The following PTPRD variants were observed in gnomAD, a reference collection of about 807,000 sequenced individuals.
The protein encoded by PTPRD is receptor-type tyrosine-protein phosphatase delta.
PTPRD carries 34 observed loss-of-function variants against 214.5 expected under a neutral mutation model. The ratio of observed to expected loss-of-function variants is 0.16; its 90% CI spans 0.12 to 0.21. The LOEUF (loss-of-function observed/expected upper bound fraction) is 0.21, where lower values mean the gene tolerates loss of function less well. PTPRD is among the 10% of genes least tolerant of loss of function. The pLI is 1.00. For missense variants in PTPRD, 2,545 were observed against 2,398.7 expected, an observed-to-expected ratio of 1.06 and a Z score of -1.27; for synonymous variants, 1,128 against 845.7, an observed-to-expected ratio of 1.33 and a Z score of -5.79.
chr9:8,906,604 A>G (rs752456710), intron 11 of PTPRD, among the ~76,000 whole-genome samples: 35 of 152,234 alleles, frequency 2.3e-4, no homozygotes, highest in Non-Finnish European at 4.4e-4. Context: ...CAAAGGATTT[A>G]CTTGTAAAAA....
chr9:10,552,357 G>C (rs1293492096), intron 2 of PTPRD, among the ~76,000 whole-genome samples: 1 of 152,034 alleles, frequency 6.6e-6, no homozygotes, highest in Admixed American at 6.6e-5. Flanking sequence ...GATACCTATT[G>C]CTCCCCAAAC....
At chr9:10,507,213 TA>T (rs1214257090) in intron 2 of PTPRD, among the ~76,000 whole-genome samples, 2 of 151,928 alleles carry the variant, frequency 1.3e-5, no homozygotes, top group African/African-American at 4.8e-5. Context: ...TCAAAGAGAA[TA>T]AAATACCTAG....
At chr9:9,612,020 A>C (rs2094539900) in intron 7 of PTPRD, among the ~76,000 whole-genome samples, 1 of 152,090 alleles carries the variant, frequency 6.6e-6, no homozygotes, top group Admixed American at 6.6e-5. Flanking sequence ...TAACATGACT[A>C]TCAATATATT....
chr9:9,702,486 C>T (rs749455474), intron 7 of PTPRD, among the ~76,000 whole-genome samples: 15 of 152,102 alleles, frequency 9.9e-5, no homozygotes, highest in Non-Finnish European at 1.9e-4. Flanking sequence ...TACCAGTGAT[C>T]TTCCAAGAGA....
chr9:8,429,416 A>T (rs1428117919), intron 35 of PTPRD, among the ~76,000 whole-genome samples: 2 of 152,132 alleles, frequency 1.3e-5, no homozygotes, highest in Admixed American at 1.3e-4. Flanking sequence ...TCTAAATATT[A>T]AAAAACATGA....
chr9:8,993,199 A>T (rs1567460032), intron 11 of PTPRD, among the ~76,000 whole-genome samples: 1 of 152,214 alleles, frequency 6.6e-6, no homozygotes, highest in Non-Finnish European at 1.5e-5. Flanking sequence ...GGCCCAGAGA[A>T]CCTGGCTCTA....
At chr9:9,410,348 A>C (rs2074988643) in intron 8 of PTPRD, among the ~76,000 whole-genome samples, 1 of 152,194 alleles carries the variant, frequency 6.6e-6, no homozygotes, top group South Asian at 2.1e-4. Flanking sequence ...TATACCAAAA[A>C]TAAAATACTT....
intron 9 of PTPRD, among the ~76,000 whole-genome samples, chr9:9,201,586 A>G (rs1158460027): frequency 1.3e-5 from 2 of 152,174 alleles, no homozygotes; most frequent in East Asian, 1.9e-4. Context: ...TTCCTATTAC[A>G]GGGTTAGGAT....
chr9:8,711,433 C>T (rs1437340447), intron 12 of PTPRD, among the ~76,000 whole-genome samples: 4 of 152,084 alleles, frequency 2.6e-5, no homozygotes, highest in African/African-American at 9.7e-5. Flanking sequence ...CATACAGTAA[C>T]TCTCTCCTTG....
At chr9:10,358,474 T>C (rs892609593) in intron 2 of PTPRD, among the ~76,000 whole-genome samples, 3 of 151,932 alleles carry the variant, frequency 2.0e-5, no homozygotes, top group Non-Finnish European at 4.4e-5. Flanking sequence ...TTAGACAGTA[T>C]ATTTACTTTA....
At chr9:8,323,342 G>C (rs1242563798) in intron 44 of PTPRD, among the ~76,000 whole-genome samples, 1 of 152,144 alleles carries the variant, frequency 6.6e-6, no homozygotes, top group Non-Finnish European at 1.5e-5. Context: ...CAACTTTAAA[G>C]TTTTGTTATT....
chr9:8,540,541 ATTT>A (rs2078142285), intron 14 of PTPRD, among the ~76,000 whole-genome samples: 1 of 152,186 alleles, frequency 6.6e-6, no homozygotes, highest in Non-Finnish European at 1.5e-5. Context: ...CACGTTTATT[ATTT>A]TTATTTAGAG....
chr9:9,469,382 C>T (rs2094438505), intron 8 of PTPRD, among the ~76,000 whole-genome samples: 2 of 152,122 alleles, frequency 1.3e-5, no homozygotes, highest in South Asian at 4.2e-4. Flanking sequence ...GCAATGTTCC[C>T]CAGAGAACAG....
At chr9:9,830,533 A>T in intron 5 of PTPRD, among the ~76,000 whole-genome samples, 1 of 151,892 alleles carries the variant, frequency 6.6e-6, no homozygotes, top group East Asian at 1.9e-4. Context: ...AAAACTTGTT[A>T]ATTTTATTAA....
intron 11 of PTPRD, among the ~76,000 whole-genome samples, chr9:8,757,984 C>G (rs112511912): frequency 1.3e-5 from 2 of 152,234 alleles, no homozygotes; most frequent in Admixed American, 1.3e-4. Context: ...GTTACATTCT[C>G]CACTTTCTCA....
At chr9:8,581,264 G>A (rs2093054586) in intron 14 of PTPRD, among the ~76,000 whole-genome samples, 1 of 152,080 alleles carries the variant, frequency 6.6e-6, no homozygotes, top group East Asian at 1.9e-4. Flanking sequence ...AAGAGACTCA[G>A]TAATTCTAAA....
chr9:8,520,639 C>T (rs1031086252), intron 20 of PTPRD, among the ~76,000 whole-genome samples: 1 of 152,148 alleles, frequency 6.6e-6, no homozygotes, highest in East Asian at 1.9e-4. Context: ...CATGCTTGTA[C>T]TCTTTCTCTT....
chr9:9,302,355 GT>G (rs1351851501), intron 9 of PTPRD, among the ~76,000 whole-genome samples: 2 of 151,832 alleles, frequency 1.3e-5, no homozygotes, highest in Non-Finnish European at 2.9e-5. Flanking sequence ...ACACACAATT[GT>G]TATTGATAGG....
intron 9 of PTPRD, among the ~76,000 whole-genome samples, chr9:9,380,470 G>A (rs1262575904): frequency 6.6e-6 from 1 of 151,980 alleles, no homozygotes; most frequent in Non-Finnish European, 1.5e-5. Flanking sequence ...AGCCCATCAT[G>A]GATCTCCTCA....
Sources: gnomAD v4.1 joint callset for allele counts (sites outside exome capture counted in the v4.1 genomes callset) on GRCh38, gnomAD v4.1.1 for gene constraint, MANE v1.5 for transcripts, NCBI Gene and HGNC (gene_info 2026-07-23, HGNC 2026-07-21) for gene names.